DAPK1: variants seen among roughly 807,000 people sequenced by gnomAD.
DAPK1 encodes death associated protein kinase 1.
DAPK1 carries 56 observed loss-of-function variants against 144.9 expected under a neutral mutation model. The observed-to-expected ratio is 0.39, with a 90% confidence interval of 0.31 to 0.48. DAPK1 has a LOEUF of 0.48. Among genes scored for constraint, DAPK1 ranks in the 20% least tolerant of loss-of-function variants. DAPK1 has a pLI of 0.95. For synonymous variants in DAPK1, 690 were observed against 749.0 expected, an observed-to-expected ratio of 0.92 and a Z score of 1.29; for missense variants, 1,454 against 1,875.4, an observed-to-expected ratio of 0.78 and a Z score of 4.15.
intron 2 of DAPK1, among the ~76,000 whole-genome samples, chr9:87,577,284 C>G (rs570781448): frequency 6.6e-6 from 1 of 152,092 alleles, no homozygotes; most frequent in Admixed American, 6.5e-5. Flanking sequence ...ATTGGAAACT[C>G]GGGGTGGGGC....
At chr9:87,698,421 C>T (rs765391073) in intron 22 of DAPK1, 2 of 440,698 alleles carry the variant, frequency 4.5e-6, no homozygotes, top group Non-Finnish European at 8.1e-6. Context: ...TTCTGGTCCA[C>T]TTTGAGCAAT....
At chr9:87,569,225 C>A (rs1378342345) in intron 2 of DAPK1, among the ~76,000 whole-genome samples, 1 of 152,146 alleles carries the variant, frequency 6.6e-6, no homozygotes, top group Non-Finnish European at 1.5e-5. Context: ...TCCCCTCCCC[C>A]ACTGACGATG....
chr9:87,509,847 C>T (rs893410853), intron 2 of DAPK1, among the ~76,000 whole-genome samples: 2 of 152,250 alleles, frequency 1.3e-5, no homozygotes, highest in African/African-American at 4.8e-5. Context: ...TCTTTTCCTT[C>T]TGCACCACAG....
chr9:87,502,435 C>A (rs1468543242), intron 2 of DAPK1, among the ~76,000 whole-genome samples: 2 of 152,082 alleles, frequency 1.3e-5, no homozygotes, highest in Admixed American at 1.3e-4. Flanking sequence ...TGCTATTATA[C>A]CGAGGTGTTT....
At chr9:87,518,113 T>TTTTG (rs1329204460) in intron 2 of DAPK1, among the ~76,000 whole-genome samples, 12 of 142,160 alleles carry the variant, frequency 8.4e-5, no homozygotes, top group African/African-American at 3.3e-4. Flanking sequence ...TTGTTTTTTT[T>TTTTG]TTTTTTTTTT....
chr9:87,589,103 T>C (rs1313389932), intron 2 of DAPK1, among the ~76,000 whole-genome samples: 1 of 145,848 alleles, frequency 6.9e-6, no homozygotes, highest in Non-Finnish European at 1.5e-5. Flanking sequence ...GAGACAGGGT[T>C]TCTCCATGTT....
At chr9:87,653,950 C>T (rs1927974) in intron 17 of DAPK1, among the ~76,000 whole-genome samples, 70,430 of 151,952 alleles carry the variant, frequency 0.46, 17,096 homozygotes, top group East Asian at 0.61. Context: ...CGCTTCAGCC[C>T]CCCAATGTGC....
At chr9:87,610,520 C>G (rs1564022044) in intron 3 of DAPK1, among the ~76,000 whole-genome samples, 1 of 152,284 alleles carries the variant, frequency 6.6e-6, no homozygotes, top group Non-Finnish European at 1.5e-5. Context: ...TGGCTTCTAG[C>G]TTTCCATTCC....
At position 87,706,857 on chromosome 9, in the gene DAPK1, T is replaced by G. The variant is rs1428711991; in HGVS notation, c.3786T>G (p.Thr1262=). ...CACGGGACTTCTTCCGGGCACAGAC[T>G]CTGAAGGAAACCTCACTGACCAACA... ...YQPRDFFRAQ[T]LKETSLTNTM... Residue 1262 remains threonine, a synonymous_variant, in exon 26 of 26, where the codon ACT becomes ACG. Transcript: ENST00000408954. This position sits in a 1 kb window ranked among gnomAD's most constrained non-coding sequence, Gnocchi z 9.0. The G allele has an allele frequency of 5.6e-5, 91 of 1,613,794 alleles. No individual in the cohort carries two copies. The highest frequency in any genetic ancestry group is 7.7e-5 in the Non-Finnish European group (91 of 1,179,998).
intron 2 of DAPK1, among the ~76,000 whole-genome samples, chr9:87,595,931 TAA>T (rs750582426): frequency 6.6e-5 from 10 of 152,216 alleles, no homozygotes; most frequent in Non-Finnish European, 1.2e-4. Context: ...TGTATTAGTT[TAA>T]AATAGTTTTT....
At chr9:87,548,913 CTTTTTT>C (rs11291160) in intron 2 of DAPK1, among the ~76,000 whole-genome samples, 8 of 63,844 alleles carry the variant, frequency 1.3e-4, no homozygotes, top group East Asian at 8.5e-4. Context: ...GATTTCATTC[CTTTTTT>C]TTTTTTTTTT....
chr9:87,687,807 ATT>A (rs34507988), intron 21 of DAPK1, among the ~76,000 whole-genome samples: 4 of 150,810 alleles, frequency 2.7e-5, no homozygotes, highest in African/African-American at 7.3e-5. Flanking sequence ...AGCTTCTGCT[ATT>A]TTTTTTTTGT....
intron 3 of DAPK1, among the ~76,000 whole-genome samples, chr9:87,625,655 A>G (rs1218956470): frequency 6.6e-6 from 1 of 152,234 alleles, no homozygotes; most frequent in Non-Finnish European, 1.5e-5. Context: ...ACAGGCAGCC[A>G]TTGTTAACAT....
chr9:87,649,854 A>G lies in DAPK1; in HGVS notation c.1429-67A>G, dbSNP rs1830385015. 3.9e-6 allele frequency: 6 copies of G among 1,539,988 alleles called. No individual in the cohort carries two copies. In the Admixed American group the frequency reaches 8.4e-5, roughly 22 times the overall value. The stretch of plus-strand genomic sequence containing the variant: ...TCTGCCAAATTTGACAGGGACTCTC[A>G]CCTTGCTTTATACTTTGTTTCTCAT... On this transcript the variant is annotated intron_variant, in intron 15 of 25. Transcript: ENST00000408954.
At chr9:87,680,295 G>A (rs1006348694) in intron 19 of DAPK1, among the ~76,000 whole-genome samples, 3 of 151,824 alleles carry the variant, frequency 2.0e-5, no homozygotes, top group Admixed American at 6.6e-5. Context: ...CGGTAGAGAC[G>A]GGGTTTCACC....
rs980754508 is a variant in DAPK1 at position 87,686,315 on chromosome 9, G to C, written c.2225-236G>C. Reference sequence around the variant, plus strand: ...CACAATCCCTAGGACCAGCCACCCGGGCAACAGGGCGGGGCAGAAAAGGTT... The same window carrying C: ...CACAATCCCTAGGACCAGCCACCCGCGCAACAGGGCGGGGCAGAAAAGGTT... On this transcript the variant is annotated intron_variant, in intron 20 of 25. Coordinates refer to ENST00000408954, the MANE Select transcript of DAPK1 (RefSeq NM_004938.4). The surrounding 1 kb of genome is among the most constrained non-coding windows in gnomAD (Gnocchi z 4.2). 7.2e-5 allele frequency among the ~76,000 whole-genome samples: 11 copies of C among 152,160 alleles called. No homozygotes were observed. Among genetic ancestry groups the C allele is most frequent in the Non-Finnish European group, 1.6e-4 (11 of 68,024 alleles).
chr9:87,576,560 T>C (rs951477758), intron 2 of DAPK1, among the ~76,000 whole-genome samples: 3 of 142,720 alleles, frequency 2.1e-5, no homozygotes, highest in Admixed American at 6.8e-5. Context: ...CTTGTTTGTT[T>C]TGTTTTGTTT....
rs573514530 is a variant in DAPK1 at position 87,613,208 on chromosome 9, T to C, written c.284+8033T>C. Among the ~76,000 whole-genome samples, 3 of 152,348 alleles carry C rather than the reference T, an allele frequency of 2.0e-5. No homozygotes were observed. The East Asian group carries it at 5.8e-4, about 29-fold the overall frequency. ...AAAAGGTAAATTTTGCTGATTTTTT[T>C]AATCATGGTAAAACAACATACAGTT... On this transcript the variant is annotated intron_variant, in intron 3 of 25. Coordinates refer to ENST00000408954, the MANE Select transcript of DAPK1 (RefSeq NM_004938.4).
At position 87,698,835 on chromosome 9, in the gene DAPK1, C is replaced by T. The variant is rs915089934; in HGVS notation, c.2750+41C>T. ...TTAGTCTCCAGCTCACGGGTAGCCTCCTCTCCCTGAGAACTGAAGCAGAGG... is the reference window on the plus strand; with the variant it reads ...TTAGTCTCCAGCTCACGGGTAGCCTTCTCTCCCTGAGAACTGAAGCAGAGG... On this transcript the variant is annotated intron_variant, in intron 23 of 25. Coordinates refer to ENST00000408954, the MANE Select transcript of DAPK1 (RefSeq NM_004938.4). 6 of 1,347,200 alleles carry T rather than the reference C, an allele frequency of 4.5e-6. No homozygotes were observed. In the African/African-American group the frequency reaches 7.1e-5, roughly 16 times the overall value. 83.5% of individuals were successfully genotyped at this position (1,347,200 alleles called of 1,614,324 possible).
Sources: gnomAD v4.1 joint callset for allele counts (sites outside exome capture counted in the v4.1 genomes callset) on GRCh38, gnomAD v4.1.1 for gene constraint, Gnocchi (gnomAD v3.1) non-coding constraint, MANE v1.5 for transcripts, NCBI Gene and HGNC (gene_info 2026-07-23, HGNC 2026-07-21) for gene names.